The following OR52H1 variants were observed in gnomAD, a reference collection of about 807,000 sequenced individuals.
The protein encoded by OR52H1 is olfactory receptor family 52 subfamily H member 1.
For synonymous variants in OR52H1, 148 were observed against 138.6 expected, an observed-to-expected ratio of 1.07 and a Z score of -0.48; for missense variants, 383 against 396.4, an observed-to-expected ratio of 0.97 and a Z score of 0.29.
chr11:5,544,634 G>A lies in OR52H1; in HGVS notation c.872C>T (p.Pro291Leu). The change falls in exon 2 of 2, where the codon CCC (proline) becomes CTC (leucine). Residue 291 changes from proline (P) to leucine (L), a missense_variant. By Grantham distance (98) the Pro-to-Leu change is moderately conservative (BLOSUM62 -3). Transcript: ENST00000322653. ...CTTGGTCTTCACTCCGTAAACCATG[G>A]GGTTGAGTGCAGGTGGGATAACAAT... ...LYIVIPPALN[P>L]MVYGVKTKQI... The A allele has an allele frequency of 1.9e-6, 3 of 1,614,060 alleles. No homozygotes were observed. Among genetic ancestry groups the A allele is most frequent in the South Asian group, 1.1e-5 (1 of 91,068 alleles).
intron 1 of OR52H1, 30 bp downstream of exon 1, chr11:5,548,422 A>T (rs553549866): frequency 6.6e-6 from 1 of 152,186 alleles, no homozygotes; most frequent in Non-Finnish European, 1.5e-5. Flanking sequence ...TCTTGTCCCA[A>T]TCAAACCCCT....
chr11:5,545,428 A>G lies in OR52H1; in HGVS notation c.78T>C (p.His26=), dbSNP rs769188750. ...LVGIPGLEQF[H]VWIGIPFCII... is the part of the protein sequence containing the mutation. ...TACAGAAGGGAATTCCAATCCACAC[A>G]TGGAATTGCTCCAGGCCTGGGATCC... The change falls in exon 2 of 2, where the codon CAT becomes CAC. Residue 26 remains histidine, a synonymous_variant. Transcript: ENST00000322653. 1.9e-6 allele frequency: 3 copies of G among 1,614,152 alleles called. No individual in the cohort carries two copies. Among genetic ancestry groups the G allele is most frequent in the Admixed American group, 3.3e-5 (2 of 60,028 alleles).
chr11:5,547,050 G>A (rs895848387), intron 1 of OR52H1, among the ~76,000 whole-genome samples: 3 of 152,094 alleles, frequency 2.0e-5, no homozygotes, highest in Non-Finnish European at 2.9e-5. Flanking sequence ...CCGCCTCCCC[G>A]GTTCAAGCGA....
chr11:5,545,703 G>A (rs1846843755), intron 1 of OR52H1, among the ~76,000 whole-genome samples, 168 bp from the exon 2 acceptor site: 1 of 152,152 alleles, frequency 6.6e-6, no homozygotes, highest in African/African-American at 2.4e-5. Context: ...GTAGCAACAT[G>A]CAAAAACCAA....
At chr11:5,548,241 A>G (rs1230174272) in intron 1 of OR52H1, among the ~76,000 whole-genome samples, 2 of 148,546 alleles carry the variant, frequency 1.3e-5, no homozygotes, top group Non-Finnish European at 3.0e-5. Flanking sequence ...CAGCTGTGTA[A>G]TTGTCCATCT....
At chr11:5,547,345 G>A (rs1036489290) in intron 1 of OR52H1, among the ~76,000 whole-genome samples, 2 of 152,114 alleles carry the variant, frequency 1.3e-5, no homozygotes, top group Non-Finnish European at 2.9e-5. Context: ...ATATGGACTA[G>A]GTATTGAGTG....
rs148215008 is a variant in OR52H1, at chr11:5,544,770, G to A, written c.736C>T (p.His246Tyr). The A allele has an allele frequency of 3.1e-6, 5 of 1,614,030 alleles. No individual in the cohort carries two copies. The highest frequency in any genetic ancestry group is 1.7e-5 in the Admixed American group (1 of 59,990). Reference protein sequence around the residue: ...CQKALGTCGSHVCVILMFYTP... With the variant: ...CQKALGTCGSYVCVILMFYTP... ...TAAAACATGAGGATGACACAGACATGAGAACCACAAGTGCCGAGGGCTTTC... is the reference window on the plus strand; with the variant it reads ...TAAAACATGAGGATGACACAGACATAAGAACCACAAGTGCCGAGGGCTTTC... Residue 246 changes from histidine (H) to tyrosine (Y), a missense_variant, in exon 2 of 2, where the codon CAT becomes TAT. Physicochemically the swap from His to Tyr is moderately conservative, Grantham distance 83. Coordinates refer to ENST00000322653, the MANE Select transcript of OR52H1 (RefSeq NM_001005289.5).
intron 1 of OR52H1, 84 bp from the exon 2 acceptor site, chr11:5,545,619 TAA>T: frequency 8.1e-7 from 1 of 1,235,256 alleles, no homozygotes; most frequent in Non-Finnish European, 1.1e-6. Context: ...CTCCTGAAGA[TAA>T]AGTGACCATA....
intron 1 of OR52H1, among the ~76,000 whole-genome samples, 178 bp downstream of exon 1, chr11:5,548,274 C>G (rs998289987): frequency 1.3e-5 from 2 of 151,474 alleles, no homozygotes; most frequent in Non-Finnish European, 2.9e-5. Context: ...TGATGCTTAA[C>G]TCAGTGGAGC....
At chr11:5,546,765 A>G (rs951913345) in intron 1 of OR52H1, among the ~76,000 whole-genome samples, 1 of 109,008 alleles carries the variant, frequency 9.2e-6, no homozygotes, top group Non-Finnish European at 1.8e-5. Flanking sequence ...ACAAACACAC[A>G]CGGGTGCACA....
intron 1 of OR52H1, among the ~76,000 whole-genome samples, chr11:5,548,239 T>A (rs550628846): frequency 1.3e-4 from 19 of 149,342 alleles, no homozygotes; most frequent in African/African-American, 3.5e-4. Flanking sequence ...CGCAGCTGTG[T>A]AATTGTCCAT....
In OR52H1 at chr11:5,545,020, TACA is replaced by T. The variant is rs767482757; in HGVS notation, c.483_485del (p.Asp161_Val162delinsGlu). ...AGAAAGGCAGGCATGTCAGCAAGAA[TACA>T]TCTGGCAGGATGATGCAGAAGCTTC... On this transcript the variant is annotated inframe_deletion, in exon 2 of 2. Transcript: ENST00000322653. 6.2e-7 allele frequency: 1 copy of T among 1,614,152 alleles called. No individual in the cohort carries two copies. The highest frequency in any genetic ancestry group is 8.5e-7 in the Non-Finnish European group (1 of 1,180,044).
intron 1 of OR52H1, among the ~76,000 whole-genome samples, chr11:5,546,624 A>G (rs7120668): frequency 0.54 from 81,905 of 152,030 alleles, 23,099 homozygotes; most frequent in Non-Finnish European, 0.62. Context: ...CCTCTATAAC[A>G]ACTCACAGCA....
In OR52H1 at chr11:5,548,510, A is replaced by C. The variant is rs1846883545; in HGVS notation, c.-89T>G. 7.0e-6 allele frequency: 1 copy of C among 143,790 alleles called. No individual in the cohort carries two copies. The highest frequency in any genetic ancestry group is 1.5e-5 in the Non-Finnish European group (1 of 66,996). 8.9% of individuals were successfully genotyped at this position (143,790 alleles called of 1,614,324 possible). Reference sequence around the variant, plus strand: ...AAAGAGTGTGTTGACAAAATCTACAAGACAGCAGACACACCAACCAAAAAA... The same window carrying C: ...AAAGAGTGTGTTGACAAAATCTACACGACAGCAGACACACCAACCAAAAAA... On this transcript the variant is annotated 5_prime_UTR_variant, in exon 1 of 2. Transcript: ENST00000322653.
chr11:5,544,985 C>T lies in OR52H1; in HGVS notation c.521G>A (p.Arg174His), dbSNP rs369335190. The T allele has an allele frequency of 6.0e-5, 97 of 1,614,058 alleles. No individual in the cohort carries two copies. Among genetic ancestry groups the T allele is most frequent in the African/African-American group, 8.0e-5 (6 of 74,920 alleles). The change falls in exon 2 of 2, where the codon CGC becomes CAC. Residue 174 changes from arginine (R) to histidine (H), a missense_variant. Physicochemically the swap from Arg to His is conservative, Grantham distance 29 (BLOSUM62 0). Transcript: ENST00000322653. ...CTCACAGTATGTGTGGGGTATGATG[C>T]GTGTCCTGCAGAAAGGCAGGCATGT... The part of the protein sequence containing the change: ...LLTCLPFCRT[R>H]IIPHTYCEHI...
chr11:5,545,001 G>C lies in OR52H1; in HGVS notation c.505C>G (p.Pro169Ala). Residue 169 changes from proline (P) to alanine (A), a missense_variant, in exon 2 of 2, where the codon CCT becomes GCT. Pro to Ala is a conservative substitution (Grantham distance 27). Transcript: ENST00000322653. ...LPDVFLLTCLPFCRTRIIPHT... is the reference protein window; with the variant it reads ...LPDVFLLTCLAFCRTRIIPHT... ...GGTATGATGCGTGTCCTGCAGAAAG[G>C]CAGGCATGTCAGCAAGAATACATCT... 6.2e-7 allele frequency: 1 copy of C among 1,614,194 alleles called. No individual in the cohort carries two copies. Among genetic ancestry groups the C allele is most frequent in the Non-Finnish European group, 8.5e-7 (1 of 1,180,024 alleles).
At chr11:5,547,262 G>A (rs965030046) in intron 1 of OR52H1, among the ~76,000 whole-genome samples, 2 of 152,146 alleles carry the variant, frequency 1.3e-5, no homozygotes, top group African/African-American at 2.4e-5. Context: ...GGCCTGCAGT[G>A]TAGTTCTTGA....
chr11:5,545,289 G>C lies in OR52H1; in HGVS notation c.217C>G (p.Leu73Val). 1 of 1,614,142 alleles carries C rather than the reference G, an allele frequency of 6.2e-7. No homozygotes were observed. Among genetic ancestry groups the C allele is most frequent in the Non-Finnish European group, 8.5e-7 (1 of 1,180,014 alleles). The part of the protein sequence containing the change: ...FFLSMLAMTD[L>V]ILSTAGVPKA... ...GGCACACCAGCTGTGGACAAGATGA[G>C]GTCAGTCATGGCCAGCATGGAGAGA... Residue 73 changes from leucine (L) to valine (V), a missense_variant, in exon 2 of 2, where the codon CTC (leucine) becomes GTC (valine). Physicochemically the swap from Leu to Val is conservative, Grantham distance 32. Transcript: ENST00000322653.
intron 1 of OR52H1, among the ~76,000 whole-genome samples, chr11:5,546,441 A>G (rs975004494): frequency 6.6e-6 from 1 of 152,138 alleles, no homozygotes; most frequent in African/African-American, 2.4e-5. Flanking sequence ...GCCACCATAT[A>G]TTTACCCATA....
Sources: gnomAD v4.1 joint callset for allele counts (sites outside exome capture counted in the v4.1 genomes callset) on GRCh38, gnomAD v4.1.1 for gene constraint, MANE v1.5 for transcripts, NCBI Gene and HGNC (gene_info 2026-07-23, HGNC 2026-07-21) for gene names.